DIAPH2: variants seen among roughly 807,000 people sequenced by gnomAD.
The protein encoded by DIAPH2 is diaphanous related formin 2, also known as protein diaphanous homolog 2.
In DIAPH2, 35 loss-of-function variants were observed where a neutral mutation model predicts 92.7. The observed-to-expected ratio is 0.38, with a 90% confidence interval of 0.29 to 0.50. DIAPH2 has a LOEUF of 0.50. DIAPH2 is among the 20% of genes least tolerant of loss of function. DIAPH2 has a pLI of 0.94. For missense variants in DIAPH2, 701 were observed against 819.5 expected (o/e 0.86, Z 1.77); for synonymous variants, 301 against 280.4 (o/e 1.07, Z -0.73).
At chrX:96,700,093 C>A (rs988500626) in intron 1 of DIAPH2, among the ~76,000 whole-genome samples, 1 of 111,903 alleles carries the variant, frequency 8.9e-6, no homozygotes, top group Non-Finnish European at 1.9e-5. Context: ...ACTGCAGCCT[C>A]GACCTCCCTG....
chrX:97,326,929 A>C (rs2068956334), intron 23 of DIAPH2, among the ~76,000 whole-genome samples: 1 of 111,964 alleles, frequency 8.9e-6, no homozygotes, highest in African/African-American at 3.2e-5. Context: ...AAAAGTATAC[A>C]GGAAAAGGAG....
At chrX:97,016,894 T>G (rs757093772) in intron 17 of DIAPH2, among the ~76,000 whole-genome samples, 1 of 112,401 alleles carries the variant, frequency 8.9e-6, no homozygotes, top group East Asian at 2.8e-4. Flanking sequence ...AAAGAGAATA[T>G]ATCAGTTTCA....
chrX:96,823,389 A>C (rs2064791143), intron 4 of DIAPH2, among the ~76,000 whole-genome samples: 1 of 111,275 alleles, frequency 9.0e-6, no homozygotes, highest in Admixed American at 9.6e-5. Context: ...TAATCTATAT[A>C]ATTATATGGG....
intron 3 of DIAPH2, among the ~76,000 whole-genome samples, chrX:96,757,320 G>T (rs2064237707): frequency 9.0e-6 from 1 of 111,291 alleles, no homozygotes; most frequent in South Asian, 3.8e-4. Context: ...GTATATCTGG[G>T]TACACATCTA....
intron 5 of DIAPH2, among the ~76,000 whole-genome samples, chrX:96,906,156 A>G (rs763291511): frequency 1.8e-5 from 2 of 112,124 alleles, no homozygotes; most frequent in Non-Finnish European, 3.8e-5. Context: ...TAATATGAGT[A>G]CCAAATATTT....
chrX:97,261,843 A>T (rs1471782240), intron 23 of DIAPH2, among the ~76,000 whole-genome samples: 1 of 111,686 alleles, frequency 9.0e-6, no homozygotes, highest in East Asian at 2.8e-4. Flanking sequence ...AGCTCTAAAA[A>T]GTTCTTATAT....
chrX:96,971,845 T>C (rs1190308302), intron 17 of DIAPH2, among the ~76,000 whole-genome samples: 1 of 111,682 alleles, frequency 9.0e-6, no homozygotes, highest in Non-Finnish European at 1.9e-5. Flanking sequence ...ATTTCAGACA[T>C]GCACACCATA....
At chrX:97,584,040 G>A (rs371566813) in intron 26 of DIAPH2, among the ~76,000 whole-genome samples, 20 of 112,598 alleles carry the variant, frequency 1.8e-4, no homozygotes, top group East Asian at 1.1e-3. Context: ...GCTCGCGCAC[G>A]GTGCGTGCAC....
chrX:97,543,647 G>C (rs887099502), intron 26 of DIAPH2, among the ~76,000 whole-genome samples: 3 of 110,117 alleles, frequency 2.7e-5, no homozygotes, highest in Non-Finnish European at 3.8e-5. Context: ...TGGGATTACA[G>C]GTGTGCACCA....
At chrX:97,362,065 A>C (rs1255391056) in intron 24 of DIAPH2, among the ~76,000 whole-genome samples, 13 of 111,071 alleles carry the variant, frequency 1.2e-4, no homozygotes, top group Non-Finnish European at 2.1e-4. Flanking sequence ...ACATGGTGAA[A>C]CCCTGTCTCT....
chrX:97,274,483 C>T (rs1388868533), intron 23 of DIAPH2, among the ~76,000 whole-genome samples: 1 of 101,955 alleles, frequency 9.8e-6, no homozygotes, highest in Admixed American at 1.1e-4. Flanking sequence ...ACTCCAGCCT[C>T]GGCAACAGAG....
At chrX:97,174,937 G>A (rs966378812) in intron 22 of DIAPH2, among the ~76,000 whole-genome samples, 4 of 111,572 alleles carry the variant, frequency 3.6e-5, no homozygotes, top group South Asian at 3.8e-4. Flanking sequence ...GTCTGGTAAC[G>A]ATATGCCATG....
At chrX:96,823,268 A>G (rs1411567165) in intron 4 of DIAPH2, among the ~76,000 whole-genome samples, 2 of 111,730 alleles carry the variant, frequency 1.8e-5, no homozygotes, top group African/African-American at 6.5e-5. Flanking sequence ...AAGCAGATGT[A>G]TAAAAAATAT....
intron 16 of DIAPH2, among the ~76,000 whole-genome samples, chrX:96,960,357 T>G (rs1602665318): frequency 9.0e-6 from 1 of 111,705 alleles, no homozygotes; most frequent in Non-Finnish European, 1.9e-5. Context: ...TTTTTTATTT[T>G]TTTGTAGCTA....
chrX:96,941,741 G>T (rs2065706010), intron 12 of DIAPH2, among the ~76,000 whole-genome samples: 1 of 109,439 alleles, frequency 9.1e-6, no homozygotes, highest in African/African-American at 3.3e-5. Context: ...AAATAGAAAA[G>T]GTTGATAAGT....
chrX:96,831,307 A>G (rs1214776535), intron 4 of DIAPH2, among the ~76,000 whole-genome samples: 1 of 111,704 alleles, frequency 9.0e-6, no homozygotes, highest in Non-Finnish European at 1.9e-5. Context: ...AGCTATTACT[A>G]TTTAATATTG....
At chrX:97,197,534 A>G (rs2067713732) in intron 22 of DIAPH2, among the ~76,000 whole-genome samples, 1 of 112,295 alleles carries the variant, frequency 8.9e-6, no homozygotes, top group Non-Finnish European at 1.9e-5. Flanking sequence ...AACTTCCTTC[A>G]GACATCTAAC....
intron 4 of DIAPH2, among the ~76,000 whole-genome samples, chrX:96,851,124 C>T (rs2065003843): frequency 9.0e-6 from 1 of 111,613 alleles, no homozygotes; most frequent in Non-Finnish European, 1.9e-5. Context: ...GTTTTTGAGA[C>T]AGGGTCTTGC....
chrX:96,950,561 G>A (rs918692457), intron 15 of DIAPH2, among the ~76,000 whole-genome samples: 3 of 111,108 alleles, frequency 2.7e-5, no homozygotes, highest in Admixed American at 1.9e-4. Context: ...ACACCTCTTC[G>A]CATCAAACCC....
Sources: gnomAD v4.1 joint callset for allele counts (sites outside exome capture counted in the v4.1 genomes callset) on GRCh38, gnomAD v4.1.1 for gene constraint, MANE v1.5 for transcripts, NCBI Gene and HGNC (gene_info 2026-07-23, HGNC 2026-07-21) for gene names.